The following ANXA4 variants were observed in gnomAD, a reference collection of about 807,000 sequenced individuals.
The protein encoded by ANXA4 is annexin A4.
A neutral mutation model predicts 49.8 loss-of-function variants in ANXA4; 39 were observed. That is an observed-to-expected ratio of 0.78 (90% CI 0.61 to 1.02). ANXA4 has a LOEUF of 1.02. Among genes scored for constraint, ANXA4 ranks in the 50% least tolerant of loss-of-function variants. The pLI, the probability that ANXA4 is intolerant of heterozygous loss-of-function variation, is 0.00. For missense variants in ANXA4, 360 were observed against 410.1 expected (o/e 0.88, Z 1.05); for synonymous variants, 134 against 152.5 (o/e 0.88, Z 0.89).
intron 3 of ANXA4, among the ~76,000 whole-genome samples, chr2:69,789,801 C>T (rs1463669235): frequency 1.3e-5 from 2 of 152,052 alleles, no homozygotes; most frequent in African/African-American, 4.8e-5. Flanking sequence ...CATAGATGGA[C>T]TCTTATTCTG....
At chr2:69,722,949 G>C (rs1432920200) in intron 3 of ANXA4, among the ~76,000 whole-genome samples, 2 of 149,572 alleles carry the variant, frequency 1.3e-5, no homozygotes, top group African/African-American at 2.5e-5. Context: ...GAGGTGGGCG[G>C]ATCACGAGGT....
chr2:69,766,201 A>T (rs1306520124), intron 1 of ANXA4, among the ~76,000 whole-genome samples: 2 of 152,204 alleles, frequency 1.3e-5, no homozygotes, highest in Non-Finnish European at 2.9e-5. Context: ...GATGTTTTTC[A>T]TGTGGGTAGA....
intron 2 of ANXA4, among the ~76,000 whole-genome samples, chr2:69,787,395 G>A (rs564407648): frequency 1.6e-4 from 25 of 152,012 alleles, no homozygotes; most frequent in African/African-American, 3.9e-4. Context: ...TTTATTTGTC[G>A]AAGAAACTAG....
rs116704411 is a variant in ANXA4 at position 69,812,277 on chromosome 2, C to G, written c.478-376C>G. Among the ~76,000 whole-genome samples, 5 of 152,122 alleles carry G rather than the reference C, an allele frequency of 3.3e-5. No individual in the cohort carries two copies. In the East Asian group the frequency reaches 9.6e-4, roughly 29 times the overall value. On this transcript the variant is annotated intron_variant, in intron 7 of 12. Coordinates refer to ENST00000394295, the MANE Select transcript of ANXA4 (RefSeq NM_001153.5). ...TGGAACTACATGCACATCCCGACCCCCTTTTGGCAGAGGTTGATCAATGTA... is the reference window on the plus strand; with the variant it reads ...TGGAACTACATGCACATCCCGACCCGCTTTTGGCAGAGGTTGATCAATGTA...
At position 69,814,713 on chromosome 2, in the gene ANXA4, T is replaced by TAG. The variant is rs936700779; in HGVS notation, c.535-1377_535-1376dup. The TAG allele has an allele frequency of 9.5e-4, 140 of 147,406 alleles. 1 individual carries two copies. Among genetic ancestry groups the TAG allele is most frequent in the African/African-American group, 2.1e-3 (83 of 38,996 alleles). 9.1% of individuals were successfully genotyped at this position (147,406 alleles called of 1,614,324 possible). On this transcript the variant is annotated intron_variant, in intron 8 of 12. Transcript: ENST00000394295. ...GAATTCTTAAGAGGAACAGAACCAA[T>TAG]AGAGAGAGAGAGCGAGAGAGACACA... is the stretch of plus-strand genomic sequence containing the variant.
intron 1 of ANXA4, among the ~76,000 whole-genome samples, chr2:69,778,917 G>A (rs62133992): frequency 0.19 from 28,782 of 151,552 alleles, 3,163 homozygotes; most frequent in East Asian, 0.34. Flanking sequence ...GGCCAATATG[G>A]TGAAATCCTG....
intron 2 of ANXA4, among the ~76,000 whole-genome samples, chr2:69,679,990 T>C (rs1032406807): frequency 6.6e-6 from 1 of 152,228 alleles, no homozygotes; most frequent in African/African-American, 2.4e-5. Context: ...CTCTTCAAGC[T>C]CTTTTTTGAT....
chr2:69,720,766 T>C (rs1669793804), intron 2 of ANXA4: 1 of 152,228 alleles, frequency 6.6e-6, no homozygotes, highest in Admixed American at 6.5e-5. Flanking sequence ...ACTTTTTTTT[T>C]CTTCCAGGTC....
chr2:69,724,698 AAAGAAAGAAAGATAAGCTGGGGC>A (rs372765284), intron 3 of ANXA4, among the ~76,000 whole-genome samples: 1,415 of 116,232 alleles, frequency 0.012, 23 homozygotes, highest in East Asian at 0.086. Context: ...GTAAAAAGGC[AAAGAAAGAAAGATAAGCTGGGGC>A]AAGAAAGAAA....
chr2:69,816,046 T>C, intron 8 of ANXA4, 55 bp from the exon 9 acceptor site: 1 of 1,392,334 alleles, frequency 7.2e-7, no homozygotes, highest in Non-Finnish European at 1.0e-6. Flanking sequence ...AATATTTGCC[T>C]GTGTCCTGGC....
intron 3 of ANXA4, among the ~76,000 whole-genome samples, chr2:69,727,938 CT>C (rs796862216): frequency 2.6e-5 from 4 of 152,182 alleles, no homozygotes; most frequent in African/African-American, 9.7e-5. Flanking sequence ...ACCTTAACGT[CT>C]TTGAAGAGAA....
intron 1 of ANXA4, among the ~76,000 whole-genome samples, chr2:69,645,752 G>C (rs1299218235): frequency 6.6e-6 from 1 of 152,164 alleles, no homozygotes. Context: ...AACATGACTA[G>C]ATTCCTTGCC....
intron 2 of ANXA4, among the ~76,000 whole-genome samples, chr2:69,694,762 G>A (rs560340650): frequency 1.7e-4 from 26 of 151,916 alleles, no homozygotes; most frequent in Non-Finnish European, 3.5e-4. Flanking sequence ...GGTAAACTTT[G>A]TTGTAAGATA....
At chr2:69,765,564 C>T (rs1671462012) in intron 1 of ANXA4, among the ~76,000 whole-genome samples, 1 of 152,210 alleles carries the variant, frequency 6.6e-6, no homozygotes, top group Admixed American at 6.5e-5. Context: ...CCTTCTGCCT[C>T]ACCAGTGCCC....
At chr2:69,727,606 G>A (rs1669996399) in intron 3 of ANXA4, among the ~76,000 whole-genome samples, 1 of 151,956 alleles carries the variant, frequency 6.6e-6, no homozygotes, top group South Asian at 2.1e-4. Flanking sequence ...ATTTGAATAG[G>A]CACTTTACAA....
chr2:69,796,397 T>A (rs996907815), intron 3 of ANXA4, among the ~76,000 whole-genome samples: 5 of 152,202 alleles, frequency 3.3e-5, no homozygotes, highest in African/African-American at 1.2e-4. Flanking sequence ...CTTCAGGAGA[T>A]CTTCCAAGGT....
intron 3 of ANXA4, among the ~76,000 whole-genome samples, chr2:69,721,412 C>T (rs1431261653): frequency 6.6e-6 from 1 of 152,140 alleles, no homozygotes; most frequent in Non-Finnish European, 1.5e-5. Context: ...AATCTGATGT[C>T]GAAAGATCAC....
chr2:69,755,264 T>C (rs1309752070), intron 1 of ANXA4, among the ~76,000 whole-genome samples: 6 of 152,200 alleles, frequency 3.9e-5, no homozygotes, highest in Admixed American at 3.3e-4. Flanking sequence ...TAGGAATAGA[T>C]GGTGGTGATT....
At chr2:69,806,319 A>G in intron 4 of ANXA4, 66 bp from the exon 5 acceptor site, 1 of 1,192,212 alleles carries the variant, frequency 8.4e-7, no homozygotes. Flanking sequence ...TCCCTGGACC[A>G]CACCTGGAGA....
Sources: gnomAD v4.1 joint callset for allele counts (sites outside exome capture counted in the v4.1 genomes callset) on GRCh38, gnomAD v4.1.1 for gene constraint, MANE v1.5 for transcripts, NCBI Gene and HGNC (gene_info 2026-07-23, HGNC 2026-07-21) for gene names.